TDRD15: variants seen among roughly 807,000 people sequenced by gnomAD.
TDRD15 encodes tudor domain containing 15, also known as tudor domain-containing protein 15.
For missense variants in TDRD15, 1,416 were observed against 904.7 expected (o/e 1.57, Z -7.25); for synonymous variants, 503 against 314.5 (o/e 1.60, Z -6.34).
Position 21,142,680 on chromosome 2 carries a change from T to C in TDRD15, c.5213T>C (p.Ile1738Thr). The C allele has an allele frequency of 4.2e-6, 3 of 710,790 alleles. No individual in the cohort carries two copies. Among genetic ancestry groups the C allele is most frequent in the Non-Finnish European group, 7.8e-6 (3 of 382,354 alleles). The allele number at this position is 710,790 out of a possible 1,614,324, so 44.0% of individuals were successfully genotyped here. The change falls in exon 4 of 4, where the codon ATT (isoleucine) becomes ACT (threonine). Residue 1738 changes from isoleucine (I) to threonine (T), a missense_variant. By Grantham distance (89) the Ile-to-Thr change is moderately conservative. Coordinates refer to ENST00000405799, the MANE Select transcript of TDRD15 (RefSeq NM_001306137.2). Reference sequence around the variant, plus strand: ...CAAAATGATAGGCAGTATTCTGGTATTGCAACTGCTGTTTCTGATCCATCA... The same window carrying C: ...CAAAATGATAGGCAGTATTCTGGTACTGCAACTGCTGTTTCTGATCCATCA... ...QFQNDRQYSG[I>T]ATAVSDPSDF... is the part of the protein sequence containing the mutation.
In TDRD15 at chr2:21,140,571, C is replaced by T. The variant is rs776666502; in HGVS notation, c.3104C>T (p.Pro1035Leu). The T allele has an allele frequency of 2.5e-5, 18 of 711,998 alleles. No homozygotes were observed. The South Asian group carries it at 2.6e-4, about 10-fold the overall frequency. The allele number at this position is 711,998 out of a possible 1,614,324, so 44.1% of individuals were successfully genotyped here. Residue 1035 changes from proline to leucine, a missense_variant, in exon 4 of 4, where the codon CCA becomes CTA. Coordinates refer to ENST00000405799, the MANE Select transcript of TDRD15 (RefSeq NM_001306137.2). ...DGLSYRALAIPTDSSSEFQVY... is the reference protein window; with the variant it reads ...DGLSYRALAILTDSSSEFQVY... ...CTCTCATACAGAGCTTTAGCAATAC[C>T]AACAGATTCATCATCTGAGTTTCAA...
rs181190937 is a variant in TDRD15, at chr2:21,142,149, C to T, written c.4682C>T (p.Thr1561Met). ...KILSDLIVLI[T>M]KEEKKSPFLS... ...TTATCAGATTTAATAGTATTAATTACGAAAGAAGAAAAAAAATCCCCTTTT... is the reference window on the plus strand; with the variant it reads ...TTATCAGATTTAATAGTATTAATTATGAAAGAAGAAAAAAAATCCCCTTTT... The change falls in exon 4 of 4, where the codon ACG becomes ATG. Residue 1561 changes from threonine to methionine, a missense_variant. By Grantham distance (81) the Thr-to-Met change is moderately conservative (BLOSUM62 -1). Coordinates refer to ENST00000405799, the MANE Select transcript of TDRD15 (RefSeq NM_001306137.2). 6.0e-5 allele frequency: 40 copies of T among 666,958 alleles called. No homozygotes were observed. Among genetic ancestry groups the T allele is most frequent in the Admixed American group, 3.1e-4 (11 of 35,376 alleles). The allele number at this position is 666,958 out of a possible 1,614,324, so 41.3% of individuals were successfully genotyped here. A position where few individuals can be genotyped will look rare whatever the true frequency, so the allele number is the denominator to read the frequency against.
chr2:21,138,694 T>C lies in TDRD15; in HGVS notation c.1227T>C (p.Asn409=), dbSNP rs1665861273. Residue 409 remains asparagine (N), a synonymous_variant, in exon 4 of 4, where the codon AAT becomes AAC. Transcript: ENST00000405799. Reference sequence around the variant, plus strand: ...TACAAACTCAAGAGTCTACAGTTAATTCTAAGTGTCTACTGAAGACTGTAG... The same window carrying C: ...TACAAACTCAAGAGTCTACAGTTAACTCTAAGTGTCTACTGAAGACTGTAG... ...VTLQTQESTV[N]SKCLLKTVGT... 1.4e-6 allele frequency: 1 copy of C among 715,842 alleles called. No homozygotes were observed. Among genetic ancestry groups the C allele is most frequent in the South Asian group, 1.5e-5 (1 of 67,484 alleles). The allele number at this position is 715,842 out of a possible 1,614,324, so 44.3% of individuals were successfully genotyped here. A position where few individuals can be genotyped will look rare whatever the true frequency, so the allele number is the denominator to read the frequency against.
rs766898260 is a variant in TDRD15 at position 21,139,880 on chromosome 2, A to T, written c.2413A>T (p.Thr805Ser). The T allele has an allele frequency of 1.4e-6, 1 of 715,972 alleles. No individual in the cohort carries two copies. Among genetic ancestry groups the T allele is most frequent in the Non-Finnish European group, 2.6e-6 (1 of 384,042 alleles). The allele number at this position is 715,972 out of a possible 1,614,324, so 44.4% of individuals were successfully genotyped here. Residue 805 changes from threonine to serine, a missense_variant, in exon 4 of 4, where the codon ACT (threonine) becomes TCT (serine). Transcript: ENST00000405799. ...IHSDPYEIGQTACVAKYSGKW... is the reference protein window; with the variant it reads ...IHSDPYEIGQSACVAKYSGKW... Reference sequence around the variant, plus strand: ...TTCTGATCCTTATGAGATTGGGCAGACTGCTTGTGTTGCTAAGTATTCTGG... The same window carrying T: ...TTCTGATCCTTATGAGATTGGGCAGTCTGCTTGTGTTGCTAAGTATTCTGG...
chr2:21,143,461 A>C lies in TDRD15; in HGVS notation c.*189A>C, dbSNP rs1440473611. 2.0e-5 allele frequency among the ~76,000 whole-genome samples: 3 copies of C among 151,636 alleles called. No homozygotes were observed. The highest frequency in any genetic ancestry group is 6.6e-5 in the Admixed American group (1 of 15,178). On this transcript the variant is annotated 3_prime_UTR_variant, in exon 4 of 4. Transcript: ENST00000405799. Reference sequence around the variant, plus strand: ...TTCTAGAAATTTAACAGTGAGAAAGAAAGTTGGTAGTGGAAAACATTTCCA... The same window carrying C: ...TTCTAGAAATTTAACAGTGAGAAAGCAAGTTGGTAGTGGAAAACATTTCCA...
At position 21,142,951 on chromosome 2, in the gene TDRD15, T is replaced by C. The variant is rs1040001242; in HGVS notation, c.5484T>C (p.Ile1828=). ...CTTTTTATATACGTTATTCAGAAATTATAAATCTTAAAGTTGTTCCTGAGG... is the reference window on the plus strand; with the variant it reads ...CTTTTTATATACGTTATTCAGAAATCATAAATCTTAAAGTTGTTCCTGAGG... ...GFSFYIRYSE[I]INLKVVPEEL... The change falls in exon 4 of 4, where the codon ATT becomes ATC. Residue 1828 remains isoleucine (I), a synonymous_variant. Transcript: ENST00000405799. 8 of 702,162 alleles carry C rather than the reference T, an allele frequency of 1.1e-5. No individual in the cohort carries two copies. The highest frequency in any genetic ancestry group is 6.5e-5 in the Admixed American group (3 of 46,488). The allele number at this position is 702,162 out of a possible 1,614,324, so 43.5% of individuals were successfully genotyped here.
intron 2 of TDRD15, among the ~76,000 whole-genome samples, chr2:21,129,035 C>G (rs575200946): frequency 1.3e-5 from 2 of 151,968 alleles, no homozygotes; most frequent in African/African-American, 2.4e-5. Context: ...TCCCCAGGGT[C>G]GAGCCATCCT....
chr2:21,141,013 A>G lies in TDRD15; in HGVS notation c.3546A>G (p.Ile1182Met), dbSNP rs1380937802. ...GAAACAACTATCGCCATAATGTGAT[A>G]AATAAACCTAGTCCAGTAACATATT... ...KTGNNYRHNVINKPSPVTYSE... is the reference protein window; with the variant it reads ...KTGNNYRHNVMNKPSPVTYSE... The change falls in exon 4 of 4, where the codon ATA becomes ATG. Residue 1182 changes from isoleucine to methionine, a missense_variant. Transcript: ENST00000405799. 2.8e-6 allele frequency: 2 copies of G among 712,912 alleles called. No homozygotes were observed. The highest frequency in any genetic ancestry group is 4.1e-5 in the Admixed American group (2 of 49,342). The allele number at this position is 712,912 out of a possible 1,614,324, so 44.2% of individuals were successfully genotyped here.
At position 21,140,275 on chromosome 2, in the gene TDRD15, T is replaced by C; in HGVS notation, c.2808T>C (p.Ala936=). The change falls in exon 4 of 4, where the codon GCT becomes GCC. Residue 936 remains alanine, a synonymous_variant. Transcript: ENST00000405799. ...AKEFLMNRGS[A]QYITLSETFP... is the part of the protein sequence containing the mutation. ...AATTTCTTATGAATCGTGGCTCTGC[T>C]CAGTATATCACATTATCAGAGACAT... is the stretch of plus-strand genomic sequence containing the variant. 1 of 715,398 alleles carries C rather than the reference T, an allele frequency of 1.4e-6. No homozygotes were observed. The highest frequency in any genetic ancestry group is 2.6e-6 in the Non-Finnish European group (1 of 383,780). 44.3% of individuals were successfully genotyped at this position (715,398 alleles called of 1,614,324 possible). A position where few individuals can be genotyped will look rare whatever the true frequency, so the allele number is the denominator to read the frequency against.
In TDRD15 at chr2:21,142,390, A is replaced by G; in HGVS notation, c.4923A>G (p.Lys1641=). ...RNIPRQAVPC[K]WIWFENSKNI... Reference sequence around the variant, plus strand: ...TTCCTAGACAAGCTGTACCTTGTAAATGGATTTGGTTTGAAAATTCTAAGA... The same window carrying G: ...TTCCTAGACAAGCTGTACCTTGTAAGTGGATTTGGTTTGAAAATTCTAAGA... The change falls in exon 4 of 4, where the codon AAA becomes AAG. Residue 1641 remains lysine (K), a synonymous_variant. Coordinates refer to ENST00000405799, the MANE Select transcript of TDRD15 (RefSeq NM_001306137.2). 1 of 705,020 alleles carries G rather than the reference A, an allele frequency of 1.4e-6. No homozygotes were observed. The allele number at this position is 705,020 out of a possible 1,614,324, so 43.7% of individuals were successfully genotyped here.
chr2:21,138,723 C>T lies in TDRD15; in HGVS notation c.1256C>T (p.Thr419Ile). 1.4e-6 allele frequency: 1 copy of T among 716,010 alleles called. No individual in the cohort carries two copies. The highest frequency in any genetic ancestry group is 2.6e-6 in the Non-Finnish European group (1 of 384,230). The allele number at this position is 716,010 out of a possible 1,614,324, so 44.4% of individuals were successfully genotyped here. Reference sequence around the variant, plus strand: ...AAGTGTCTACTGAAGACTGTAGGCACACAAGTACTTTGTCCGATGTCTGAT... The same window carrying T: ...AAGTGTCTACTGAAGACTGTAGGCATACAAGTACTTTGTCCGATGTCTGAT... ...NSKCLLKTVGTQVLCPMSDSK... is the reference protein window; with the variant it reads ...NSKCLLKTVGIQVLCPMSDSK... Residue 419 changes from threonine to isoleucine, a missense_variant, in exon 4 of 4, where the codon ACA becomes ATA. Thr to Ile is a moderately conservative substitution (Grantham distance 89). Transcript: ENST00000405799.
At chr2:21,125,950 G>A (rs1418073769) in intron 1 of TDRD15, among the ~76,000 whole-genome samples, 1 of 151,992 alleles carries the variant, frequency 6.6e-6, no homozygotes, top group African/African-American at 2.4e-5. Flanking sequence ...ATTAAAATAA[G>A]TCCTCTGTGA....
At position 21,139,583 on chromosome 2, in the gene TDRD15, A is replaced by G. The variant is rs993841356; in HGVS notation, c.2116A>G (p.Lys706Glu). 1.4e-6 allele frequency: 1 copy of G among 714,868 alleles called. No homozygotes were observed. Among genetic ancestry groups the G allele is most frequent in the Admixed American group, 2.0e-5 (1 of 49,754 alleles). The allele number at this position is 714,868 out of a possible 1,614,324, so 44.3% of individuals were successfully genotyped here. The change falls in exon 4 of 4, where the codon AAA becomes GAA. Residue 706 changes from lysine to glutamate, a missense_variant. By Grantham distance (56) the Lys-to-Glu change is moderately conservative. Coordinates refer to ENST00000405799, the MANE Select transcript of TDRD15 (RefSeq NM_001306137.2). ...TGCCCTTCTTGAAGGACCTAAATCT[A>G]AAAAGTACCATTCAAATAACCTGGT... is the stretch of plus-strand genomic sequence containing the variant. The part of the protein sequence containing the change: ...ISALLEGPKS[K>E]KYHSNNLVEN...
Position 21,140,242 on chromosome 2 carries a change from TG to T in TDRD15, c.2776del (p.Ala926GlnfsTer6), listed in dbSNP as rs1242013251. ...TGGATTTACAGTCCTCATTTACTAG[TG>T]CAAAAGAATTTCTTATGAATCGTGG... ...LVDLQSSFTS[A>X]KEFLMNRGSA... On this transcript the variant is annotated frameshift_variant, in exon 4 of 4. Coordinates refer to ENST00000405799, the MANE Select transcript of TDRD15 (RefSeq NM_001306137.2). LOFTEE classifies it low-confidence loss of function (END_TRUNC). The T allele has an allele frequency of 1.4e-6, 1 of 715,360 alleles. No homozygotes were observed. Among genetic ancestry groups the T allele is most frequent in the Non-Finnish European group, 2.6e-6 (1 of 383,836 alleles). 44.3% of individuals were successfully genotyped at this position (715,360 alleles called of 1,614,324 possible). A position where few individuals can be genotyped will look rare whatever the true frequency, so the allele number is the denominator to read the frequency against.
Position 21,141,926 on chromosome 2 carries a change from T to C in TDRD15, c.4459T>C (p.Ser1487Pro). 1 of 714,806 alleles carries C rather than the reference T, an allele frequency of 1.4e-6. No homozygotes were observed. The highest frequency in any genetic ancestry group is 2.6e-6 in the Non-Finnish European group (1 of 383,392). The allele number at this position is 714,806 out of a possible 1,614,324, so 44.3% of individuals were successfully genotyped here. A position where few individuals can be genotyped will look rare whatever the true frequency, so the allele number is the denominator to read the frequency against. Residue 1487 changes from serine to proline, a missense_variant, in exon 4 of 4, where the codon TCT becomes CCT. Ser to Pro is a moderately conservative substitution (Grantham distance 74). Transcript: ENST00000405799. Reference sequence around the variant, plus strand: ...AGCATTGCAGATGCCTCAGGTTCTCTCTCAAAAGGTGAGGCCAGGTGATAA... The same window carrying C: ...AGCATTGCAGATGCCTCAGGTTCTCCCTCAAAAGGTGAGGCCAGGTGATAA... ...KSALQMPQVL[S>P]QKVRPGDNEM...
intron 3 of TDRD15, among the ~76,000 whole-genome samples, chr2:21,135,184 A>G (rs1408876878): frequency 6.8e-6 from 1 of 147,160 alleles, no homozygotes; most frequent in Admixed American, 6.8e-5. Flanking sequence ...AAAAAGATAT[A>G]TACATATTTT....
chr2:21,132,752 A>G (rs1218423672), intron 2 of TDRD15, among the ~76,000 whole-genome samples: 1 of 152,154 alleles, frequency 6.6e-6, no homozygotes, highest in Non-Finnish European at 1.5e-5. Flanking sequence ...AGATTAGAAA[A>G]ATATTCTTGT....
At position 21,128,524 on chromosome 2, in the gene TDRD15, G is replaced by A. The variant is rs188974278; in HGVS notation, c.-90+813G>A. ...TTTTTAGTAGAGACAGGGTTTCACC[G>A]TGTTAGCCAGGATGGTCTCGATCTC... is the stretch of plus-strand genomic sequence containing the variant. On this transcript the variant is annotated intron_variant, in intron 2 of 3. Coordinates refer to ENST00000405799, the MANE Select transcript of TDRD15 (RefSeq NM_001306137.2). Among the ~76,000 whole-genome samples the A allele has an allele frequency of 7.7e-3, 1,164 of 151,838 alleles. 16 individuals carry two copies. The highest frequency in any genetic ancestry group is 0.027 in the African/African-American group (1,098 of 41,416).
chr2:21,142,679 A>G lies in TDRD15; in HGVS notation c.5212A>G (p.Ile1738Val). The G allele has an allele frequency of 1.4e-6, 1 of 710,856 alleles. No homozygotes were observed. The highest frequency in any genetic ancestry group is 2.6e-6 in the Non-Finnish European group (1 of 382,330). The allele number at this position is 710,856 out of a possible 1,614,324, so 44.0% of individuals were successfully genotyped here. ...CCAAAATGATAGGCAGTATTCTGGT[A>G]TTGCAACTGCTGTTTCTGATCCATC... ...QFQNDRQYSG[I>V]ATAVSDPSDF... The change falls in exon 4 of 4, where the codon ATT becomes GTT. Residue 1738 changes from isoleucine (I) to valine (V), a missense_variant. Physicochemically the swap from Ile to Val is conservative, Grantham distance 29. Transcript: ENST00000405799.
Sources: gnomAD v4.1 joint callset for allele counts (sites outside exome capture counted in the v4.1 genomes callset) on GRCh38, gnomAD v4.1.1 for gene constraint, MANE v1.5 for transcripts, NCBI Gene and HGNC (gene_info 2026-07-23, HGNC 2026-07-21) for gene names.